Variants in DDX59 observed in about 807,000 individuals in gnomAD.
The protein encoded by DDX59 is DEAD-box helicase 59, also known as probable ATP-dependent RNA helicase DDX59.
A neutral mutation model predicts 51.9 loss-of-function variants in DDX59; 30 were observed. The observed-to-expected ratio is 0.58, with a 90% CI of 0.43 to 0.78. The LOEUF is 0.78. Among genes scored for constraint, DDX59 ranks in the 30% least tolerant of loss-of-function variants. The pLI, the probability that DDX59 is intolerant of heterozygous loss-of-function variation, is 0.00. For synonymous variants in DDX59, 255 were observed against 253.3 expected (o/e 1.01, Z -0.06); for missense variants, 672 against 730.8 (o/e 0.92, Z 0.93).
intron 2 of DDX59, among the ~76,000 whole-genome samples, chr1:200,665,330 C>T (rs1662649019): frequency 6.6e-6 from 1 of 151,938 alleles, no homozygotes; most frequent in Admixed American, 6.6e-5. Flanking sequence ...TGGCGTATGC[C>T]TATAATCCCA....
At chr1:200,647,074 T>C (rs920415638) in intron 7 of DDX59, among the ~76,000 whole-genome samples, 2 of 152,132 alleles carry the variant, frequency 1.3e-5, no homozygotes, top group Non-Finnish European at 2.9e-5. Context: ...CTGTATTAAG[T>C]AAAAATAAAA....
In DDX59 at chr1:200,666,263, ACT is replaced by A; in HGVS notation, c.476_477del (p.Glu159ValfsTer24). The stretch of plus-strand genomic sequence containing the variant: ...TAGACATAGGAAGCATTCAGTGGAG[ACT>A]CTGGCTCAGAATCAGCCTTCTGTGG... ...SNPQKADSEP[E>X]SPLNASYVYK... On this transcript the variant is annotated frameshift_variant, in exon 2 of 8. Coordinates refer to ENST00000331314, the MANE Select transcript of DDX59 (RefSeq NM_001031725.6). LOFTEE classifies it high-confidence loss of function. 1 of 1,614,002 alleles carries A rather than the reference ACT, an allele frequency of 6.2e-7. No homozygotes were observed. Among genetic ancestry groups the A allele is most frequent in the South Asian group, 1.1e-5 (1 of 91,068 alleles).
At chr1:200,662,175 A>G (rs982902630) in intron 3 of DDX59, among the ~76,000 whole-genome samples, 2 of 152,148 alleles carry the variant, frequency 1.3e-5, no homozygotes, top group African/African-American at 4.8e-5. Context: ...GTATTTCTTT[A>G]TAGCAGTGCA....
intron 3 of DDX59, among the ~76,000 whole-genome samples, chr1:200,661,256 T>C (rs952082748): frequency 1.3e-4 from 20 of 152,134 alleles, no homozygotes; most frequent in African/African-American, 3.6e-4. Flanking sequence ...TTGTAAACCT[T>C]TGAATAACAG....
intron 3 of DDX59, among the ~76,000 whole-genome samples, chr1:200,662,942 T>TA (rs1662472084): frequency 6.6e-6 from 1 of 152,208 alleles, no homozygotes; most frequent in South Asian, 2.1e-4. Context: ...AGGTCCACCT[T>TA]AAAAAATCAC....
rs568490479 is a variant in DDX59 at position 200,665,937 on chromosome 1, C to G, written c.804G>C (p.Glu268Asp). 1.3e-6 allele frequency: 2 copies of G among 1,597,206 alleles called. No individual in the cohort carries two copies. The highest frequency in any genetic ancestry group is 2.2e-5 in the East Asian group (1 of 44,706). Residue 268 changes from glutamate to aspartate, a missense_variant and splice_region_variant, in exon 2 of 8, where the codon GAG becomes GAC. Transcript: ENST00000331314. The stretch of plus-strand genomic sequence containing the variant: ...TGTGAACTCTATTATTAACACTTAC[C>G]TCGAATAAAGCTCGCATGATAACAG... Reference protein sequence around the residue: ...LLPVIMRALFESKTPSALILT... With the variant: ...LLPVIMRALFDSKTPSALILT...
chr1:200,659,142 A>T (rs752044796), intron 3 of DDX59, 26 bp from the exon 4 acceptor site: 69 of 1,555,808 alleles, frequency 4.4e-5, no homozygotes, highest in Non-Finnish European at 5.4e-5. Flanking sequence ...AAAGCAAATT[A>T]AAAAAATCAG....
At chr1:200,663,646 C>T (rs1338577983) in intron 3 of DDX59, among the ~76,000 whole-genome samples, 1 of 152,052 alleles carries the variant, frequency 6.6e-6, no homozygotes, top group Non-Finnish European at 1.5e-5. Context: ...TATGCCAACC[C>T]ACCTTCAGAA....
intron 5 of DDX59, 81 bp downstream of exon 5, chr1:200,650,344 C>T (rs893953076): frequency 1.6e-5 from 23 of 1,411,304 alleles, no homozygotes; most frequent in Non-Finnish European, 2.8e-6. Context: ...CCTGAAAGTT[C>T]AATCTCAAAA....
In DDX59 at chr1:200,669,830, C is replaced by G. The variant is rs997126339; in HGVS notation, c.-75G>C. 8 of 152,754 alleles carry G rather than the reference C, an allele frequency of 5.2e-5. No homozygotes were observed. Among genetic ancestry groups the G allele is most frequent in the African/African-American group, 1.7e-4 (7 of 41,590 alleles). 9.5% of individuals were successfully genotyped at this position (152,754 alleles called of 1,614,324 possible). ...TCGGGCCGTCTCCCCCTTCCAGGCTCCAGGCCAGGCTTCCGCCCGACAAGC... is the reference window on the plus strand; with the variant it reads ...TCGGGCCGTCTCCCCCTTCCAGGCTGCAGGCCAGGCTTCCGCCCGACAAGC... On this transcript the variant is annotated 5_prime_UTR_variant, in exon 1 of 8. Coordinates refer to ENST00000331314, the MANE Select transcript of DDX59 (RefSeq NM_001031725.6).
At chr1:200,642,483 A>C (rs988550772), downstream of DDX59, among the ~76,000 whole-genome samples, 5 of 152,192 alleles carry the variant, frequency 3.3e-5, no homozygotes, top group Non-Finnish European at 7.3e-5. Context: ...ACTGGGACCA[A>C]ATTTTTTTAA....
chr1:200,662,648 C>T (rs1300326484), intron 3 of DDX59, among the ~76,000 whole-genome samples: 5 of 152,188 alleles, frequency 3.3e-5, no homozygotes, highest in African/African-American at 1.2e-4. Flanking sequence ...TAGAGACTAA[C>T]ACCAATACAT....
In DDX59 at chr1:200,644,290, A is replaced by C. The variant is rs1661154230; in HGVS notation, c.1824T>G (p.Ile608Met). ...AATTACTTTTATCATGTTTTCTGAT[A>C]ATATCCATAAGATTAGCTCCTGTAA... is the stretch of plus-strand genomic sequence containing the variant. Reference protein sequence around the residue: ...DLVTGANLMDIIRKHDKSNSQ... With the variant: ...DLVTGANLMDMIRKHDKSNSQ... Residue 608 changes from isoleucine (I) to methionine (M), a missense_variant, in exon 8 of 8, where the codon ATT becomes ATG. Coordinates refer to ENST00000331314, the MANE Select transcript of DDX59 (RefSeq NM_001031725.6). 1 of 1,574,884 alleles carries C rather than the reference A, an allele frequency of 6.3e-7. No individual in the cohort carries two copies. The highest frequency in any genetic ancestry group is 1.4e-5 in the African/African-American group (1 of 73,248).
intron 2 of DDX59, among the ~76,000 whole-genome samples, chr1:200,665,414 C>T (rs972523527): frequency 1.3e-5 from 2 of 149,154 alleles, no homozygotes; most frequent in Non-Finnish European, 3.0e-5. Context: ...ACCTGGGAGG[C>T]AGAGGTTGCA....
rs1661599061 is a variant in DDX59, at chr1:200,650,622, T to C, written c.1117A>G (p.Asn373Asp). 1.9e-6 allele frequency: 3 copies of C among 1,613,968 alleles called. No homozygotes were observed. The highest frequency in any genetic ancestry group is 2.5e-6 in the Non-Finnish European group (3 of 1,179,906). The change falls in exon 5 of 8, where the codon AAC becomes GAC. Residue 373 changes from asparagine (N) to aspartate (D), a missense_variant. Asn to Asp is a conservative substitution (Grantham distance 23). Transcript: ENST00000331314. ...ATGGTCTGACAATCATTAGGAATGT[T>C]TTCCAAAATGTCAAGCACTTGTTGT... ...FQQQVLDILE[N>D]IPNDCQTILV...
Position 200,666,428 on chromosome 1 carries a change from C to T in DDX59, c.313G>A (p.Glu105Lys). ...SKTQRWAEPG[E>K]PICVVCGRYG... Reference sequence around the variant, plus strand: ...CGACCACAGACAACACAGATGGGTTCCCCTGGTTCTGCCCAGCGCTGTGTT... The same window carrying T: ...CGACCACAGACAACACAGATGGGTTTCCCTGGTTCTGCCCAGCGCTGTGTT... Residue 105 changes from glutamate (E) to lysine (K), a missense_variant, in exon 2 of 8, where the codon GAA becomes AAA. Physicochemically the swap from Glu to Lys is moderately conservative, Grantham distance 56. Transcript: ENST00000331314. The T allele has an allele frequency of 6.2e-7, 1 of 1,614,176 alleles. No homozygotes were observed. The highest frequency in any genetic ancestry group is 8.5e-7 in the Non-Finnish European group (1 of 1,180,040).
intron 3 of DDX59, among the ~76,000 whole-genome samples, chr1:200,662,775 T>G (rs1279500878): frequency 6.6e-6 from 1 of 152,206 alleles, no homozygotes; most frequent in Non-Finnish European, 1.5e-5. Flanking sequence ...GAAAATAAAT[T>G]TAAGGCAGAG....
At chr1:200,651,006 C>G (rs988070275) in intron 4 of DDX59, among the ~76,000 whole-genome samples, 2 of 151,544 alleles carry the variant, frequency 1.3e-5, no homozygotes, top group African/African-American at 4.9e-5. Flanking sequence ...ATCAGAAAGC[C>G]CTTTATTAAA....
intron 4 of DDX59, among the ~76,000 whole-genome samples, chr1:200,652,667 ATTTT>A (rs10590500): frequency 6.1e-4 from 72 of 117,114 alleles, no homozygotes; most frequent in Middle Eastern, 9.1e-3. Flanking sequence ...CATAAAAAGC[ATTTT>A]TTTTTTTTTT....
Sources: allele counts gnomAD v4.1 joint callset (sites outside exome capture counted in the v4.1 genomes callset), GRCh38; gene constraint gnomAD v4.1.1; transcripts MANE v1.5; gene names NCBI Gene and HGNC (gene_info 2026-07-23, HGNC 2026-07-21).